Variants in CD101 observed in about 807,000 individuals in gnomAD.
CD101 encodes immunoglobulin superfamily member 2.
Under a neutral mutation model 98.2 loss-of-function variants are expected in CD101, and 76 were observed. The observed-to-expected ratio is 0.77, with a 90% confidence interval of 0.64 to 0.94. The LOEUF (loss-of-function observed/expected upper bound fraction) is 0.94. Among genes scored for constraint, CD101 ranks in the 40% least tolerant of loss-of-function variants. The pLI is 0.00. For missense variants in CD101, 1,145 were observed against 1,218.8 expected (o/e 0.94, Z 0.90); for synonymous variants, 471 against 472.7 (o/e 1.00, Z 0.05).
intron 7 of CD101, among the ~76,000 whole-genome samples, chr1:117,024,038 G>T (rs992195425): frequency 6.6e-6 from 1 of 152,186 alleles, no homozygotes; most frequent in Non-Finnish European, 1.5e-5. Flanking sequence ...AATAAAGTAG[G>T]AAGTAATTTG....
chr1:117,012,751 G>T lies in CD101; in HGVS notation c.842-655G>T, dbSNP rs1253921548. ...TCTTTTGGCATTTTTGTCAAAGCAA[G>T]TATAAAGGCCTTGTCTGTGATTCCT... On this transcript the variant is annotated intron_variant, in intron 3 of 9. Transcript: ENST00000682167. The surrounding 1 kb of genome is among the most constrained non-coding windows in gnomAD (Gnocchi z 4.0). Among the ~76,000 whole-genome samples, 1 of 152,132 alleles carries T rather than the reference G, an allele frequency of 6.6e-6. No homozygotes were observed. Among genetic ancestry groups the T allele is most frequent in the Non-Finnish European group, 1.5e-5 (1 of 68,032 alleles).
intron 8 of CD101, among the ~76,000 whole-genome samples, chr1:117,027,826 G>A (rs1654041647): frequency 6.6e-6 from 1 of 152,168 alleles, no homozygotes; most frequent in Non-Finnish European, 1.5e-5. Flanking sequence ...GCTCGTGCCT[G>A]TAATCCCAGC....
At position 117,034,876 on chromosome 1, in the gene CD101, C is replaced by T. The variant is rs1236143917; in HGVS notation, c.*33+742C>T. ...CCTGCTTCCCCCTACACCTCCATAT[C>T]CCCACCAAAAGGTCCATCTGGCTCC... On this transcript the variant is annotated intron_variant, in intron 9 of 9. Transcript: ENST00000682167. Among the ~76,000 whole-genome samples the T allele has an allele frequency of 2.0e-5, 3 of 152,200 alleles. No homozygotes were observed. In the East Asian group the frequency reaches 5.8e-4, roughly 29 times the overall value.
rs1473750595 is a variant in CD101 at position 117,021,391 on chromosome 1, G to T, written c.2018-182G>T. Among the ~76,000 whole-genome samples, 1 of 152,200 alleles carries T rather than the reference G, an allele frequency of 6.6e-6. No homozygotes were observed. The highest frequency in any genetic ancestry group is 1.9e-4 in the East Asian group (1 of 5,200). ...GGGCAGAGCTGTCCAGAGATGAAAT[G>T]GGCTGCCTTGTCAGCTAGTGATGCT... On this transcript the variant is annotated intron_variant, in intron 6 of 9. Transcript: ENST00000682167. This position sits in a 1 kb window ranked among gnomAD's most constrained non-coding sequence, Gnocchi z 4.7.
intron 8 of CD101, chr1:117,032,361 T>TA (rs1465745289): frequency 6.6e-6 from 1 of 152,178 alleles, no homozygotes; most frequent in Non-Finnish European, 1.5e-5. Context: ...TTGAGGAAGA[T>TA]AAAAAGACAC....
At chr1:117,025,117 C>A (rs1207924670) in intron 7 of CD101, among the ~76,000 whole-genome samples, 1 of 152,166 alleles carries the variant, frequency 6.6e-6, no homozygotes, top group African/African-American at 2.4e-5. Flanking sequence ...AATCCCAACA[C>A]TTTGGGAGGC....
At position 117,022,830 on chromosome 1, in the gene CD101, G is replaced by A. The variant is rs531443921; in HGVS notation, c.2428+847G>A. 6.6e-6 allele frequency among the ~76,000 whole-genome samples: 1 copy of A among 152,302 alleles called. No individual in the cohort carries two copies. Among genetic ancestry groups the A allele is most frequent in the African/African-American group, 2.4e-5 (1 of 41,568 alleles). On this transcript the variant is annotated intron_variant, in intron 7 of 9. Coordinates refer to ENST00000682167, the MANE Select transcript of CD101 (RefSeq NM_001256106.3). The surrounding 1 kb of genome is among the most constrained non-coding windows in gnomAD (Gnocchi z 4.8). Reference sequence around the variant, plus strand: ...CCCTTAAGGAGCTCCCAGTCTGGTGGGACAACAAGGGCAGAACAGCAGCTT... The same window carrying A: ...CCCTTAAGGAGCTCCCAGTCTGGTGAGACAACAAGGGCAGAACAGCAGCTT...
At chr1:117,026,168 G>GGA (rs1159729882) in intron 8 of CD101, 48 of 358,012 alleles carry the variant, frequency 1.3e-4, no homozygotes, top group Non-Finnish European at 2.1e-4. Flanking sequence ...TGGGGTTCAG[G>GGA]GAGAAGGTGG....
rs1653601979 is a variant in CD101, at chr1:117,021,780, T to G, written c.2225T>G (p.Phe742Cys). The G allele has an allele frequency of 1.2e-6, 2 of 1,613,946 alleles. No homozygotes were observed. Among genetic ancestry groups the G allele is most frequent in the African/African-American group, 2.7e-5 (2 of 74,894 alleles). The change falls in exon 7 of 10, where the codon TTT becomes TGT. Residue 742 changes from phenylalanine (F) to cysteine (C), a missense_variant. Transcript: ENST00000682167. This position sits in a 1 kb window ranked among gnomAD's most constrained non-coding sequence, Gnocchi z 4.7. ...QTNVIKTGDEFHTPQRKQKFH... is the reference protein window; with the variant it reads ...QTNVIKTGDECHTPQRKQKFH... The stretch of plus-strand genomic sequence containing the variant: ...AATGTTATAAAAACTGGGGATGAGT[T>G]TCACACCCCACAGAGAAAACAAAAA...
chr1:117,020,470 G>T (rs1320934212), intron 6 of CD101, among the ~76,000 whole-genome samples: 3 of 152,210 alleles, frequency 2.0e-5, no homozygotes, highest in African/African-American at 7.2e-5. Context: ...CTTGAGCACA[G>T]GAAGTGGAGG....
chr1:117,033,966 A>T lies in CD101; in HGVS notation c.2931A>T (p.Leu977Phe). The change falls in exon 9 of 10, where the codon TTA (leucine) becomes TTT (phenylalanine). Residue 977 changes from leucine to phenylalanine, a missense_variant. By Grantham distance (22) the Leu-to-Phe change is conservative. Coordinates refer to ENST00000682167, the MANE Select transcript of CD101 (RefSeq NM_001256106.3). The surrounding 1 kb of genome is among the most constrained non-coding windows in gnomAD (Gnocchi z 4.8). ...LLLLLISLLCLYWKARKLSTL... is the reference protein window; with the variant it reads ...LLLLLISLLCFYWKARKLSTL... ...TTCTGCTCATCTCCCTCCTCTGCTT[A>T]TACTGGAAGGCCAGGAAGTTGTCAA... 1 of 1,614,050 alleles carries T rather than the reference A, an allele frequency of 6.2e-7. No homozygotes were observed. Among genetic ancestry groups the T allele is most frequent in the African/African-American group, 1.3e-5 (1 of 74,974 alleles).
rs892178250 is a variant in CD101 at position 117,004,974 on chromosome 1, A to T, written c.43+3114A>T. On this transcript the variant is annotated intron_variant, in intron 1 of 9. Coordinates refer to ENST00000682167, the MANE Select transcript of CD101 (RefSeq NM_001256106.3). This position sits in a 1 kb window ranked among gnomAD's most constrained non-coding sequence, Gnocchi z 4.1. ...TGGTGTCAGTGAGGGCCTGTTCCTC[A>T]TAGCACCTTCTAACTGTGTCCTCAC... Among the ~76,000 whole-genome samples the T allele has an allele frequency of 3.3e-5, 5 of 152,072 alleles. No homozygotes were observed. Among genetic ancestry groups the T allele is most frequent in the African/African-American group, 1.2e-4 (5 of 41,392 alleles).
intron 1 of CD101, among the ~76,000 whole-genome samples, chr1:117,002,563 T>C (rs770249416): frequency 6.6e-6 from 1 of 152,222 alleles, no homozygotes; most frequent in Non-Finnish European, 1.5e-5. Flanking sequence ...CTTTTTATGC[T>C]ACAGTTTTCA....
rs1557778800 is a variant in CD101 at position 117,029,194 on chromosome 1, A to AGAAAGAAAGAAAGAAAGAAG, written c.2824+3302_2824+3303insGAAAGAAGGAAAGAAAGAAA. 1.7e-3 allele frequency among the ~76,000 whole-genome samples: 74 copies of AGAAAGAAAGAAAGAAAGAAG among 43,442 alleles called. 3 individuals are homozygous for AGAAAGAAAGAAAGAAAGAAG. The highest frequency in any genetic ancestry group is 2.3e-3 in the Non-Finnish European group (52 of 22,318). 28.5% of individuals were successfully genotyped at this position (43,442 alleles called of 152,430 possible). A position where few individuals can be genotyped will look rare whatever the true frequency, so the allele number is the denominator to read the frequency against. On this transcript the variant is annotated intron_variant, in intron 8 of 9. Coordinates refer to ENST00000682167, the MANE Select transcript of CD101 (RefSeq NM_001256106.3). ...AAGAAAGAAAGAAAGAAAGAAAGAA[A>AGAAAGAAAGAAAGAAAGAAG]GAAAGAAAGAAAAGAAAGAAAAGAA...
At chr1:117,007,320 A>G (rs972655723) in intron 1 of CD101, among the ~76,000 whole-genome samples, 11 of 150,430 alleles carry the variant, frequency 7.3e-5, no homozygotes, top group African/African-American at 2.7e-4. Context: ...CCATGCAATC[A>G]CTTTCCTGAC....
At chr1:117,011,510 C>A (rs1251831070) in intron 2 of CD101, 40 bp from the exon 3 acceptor site, 1 of 1,571,616 alleles carries the variant, frequency 6.4e-7, no homozygotes, top group African/African-American at 1.3e-5. Context: ...ACTGGACAAG[C>A]ACTGGGCCAG....
intron 1 of CD101, among the ~76,000 whole-genome samples, chr1:117,003,371 G>C (rs1271797410): frequency 6.6e-6 from 1 of 152,224 alleles, no homozygotes; most frequent in Non-Finnish European, 1.5e-5. Flanking sequence ...ATATGATAGT[G>C]TGAGGTTAAG....
In CD101 at chr1:117,021,847, C is replaced by T. The variant is rs762771309; in HGVS notation, c.2292C>T (p.His764=). 10 of 1,614,074 alleles carry T rather than the reference C, an allele frequency of 6.2e-6. No individual in the cohort carries two copies. The Admixed American group carries it at 1.3e-4, about 22-fold the overall frequency. Residue 764 remains histidine, a synonymous_variant, in exon 7 of 10, where the codon CAC becomes CAT. Transcript: ENST00000682167. This position sits in a 1 kb window ranked among gnomAD's most constrained non-coding sequence, Gnocchi z 4.7. ...TTTCCCAAGACTTATTTCAGCTGCA[C>T]ATTCTGAATGTGGAAGACAGCGATC... ...EKVSQDLFQL[H]ILNVEDSDRG...
chr1:117,036,163 T>G lies in CD101; in HGVS notation c.*34-5T>G, dbSNP rs1300662099. 1 of 152,350 alleles carries G rather than the reference T, an allele frequency of 6.6e-6. No homozygotes were observed. Among genetic ancestry groups the G allele is most frequent in the Non-Finnish European group, 1.5e-5 (1 of 68,138 alleles). The allele number at this position is 152,350 out of a possible 1,614,324, so 9.4% of individuals were successfully genotyped here. A position where few individuals can be genotyped will look rare whatever the true frequency, so the allele number is the denominator to read the frequency against. On this transcript the variant is annotated splice_region_variant and splice_polypyrimidine_tract_variant and intron_variant, in intron 9 of 9. Coordinates refer to ENST00000682167, the MANE Select transcript of CD101 (RefSeq NM_001256106.3). The surrounding 1 kb of genome is among the most constrained non-coding windows in gnomAD (Gnocchi z 5.0). ...ACCAACTTGAGCAATCAGCTTGTTT[T>G]ACAGCTTCCTGCCTTGCTGCCTGTT...
Sources: gnomAD v4.1 joint callset for allele counts (sites outside exome capture counted in the v4.1 genomes callset) on GRCh38, gnomAD v4.1.1 for gene constraint, Gnocchi (gnomAD v3.1) non-coding constraint, MANE v1.5 for transcripts, NCBI Gene and HGNC (gene_info 2026-07-23, HGNC 2026-07-21) for gene names.